The following TTLL1 variants were observed in gnomAD, a reference collection of about 807,000 sequenced individuals.
TTLL1 encodes polyglutamylase complex subunit TTLL1.
In TTLL1, 33 loss-of-function variants were observed where a neutral mutation model predicts 47.8. That is an observed-to-expected ratio of 0.69 (90% CI 0.52 to 0.92). The LOEUF (loss-of-function observed/expected upper bound fraction) is 0.92. Among genes scored for constraint, TTLL1 ranks in the 40% least tolerant of loss-of-function variants. The pLI is 0.00. For missense variants in TTLL1, 488 were observed against 547.5 expected (o/e 0.89, Z 1.08); for synonymous variants, 225 against 214.1 (o/e 1.05, Z -0.45).
chr22:43,081,541 T>A (rs751844840), intron 1 of TTLL1, among the ~76,000 whole-genome samples: 11 of 152,160 alleles, frequency 7.2e-5, no homozygotes, highest in South Asian at 2.1e-4. Flanking sequence ...CATTTTTTTT[T>A]AATGTATTTT....
intron 7 of TTLL1, among the ~76,000 whole-genome samples, chr22:43,059,990 A>G (rs1927294273): frequency 6.6e-6 from 1 of 151,826 alleles, no homozygotes; most frequent in African/African-American, 2.4e-5. Context: ...GTGCCCGGCC[A>G]CCTGGGCCTC....
chr22:43,069,500 A>G lies in TTLL1; in HGVS notation c.322+136T>C, dbSNP rs922789377. 7 of 1,466,970 alleles carry G rather than the reference A, an allele frequency of 4.8e-6. No individual in the cohort carries two copies. In the African/African-American group the frequency reaches 7.0e-5, roughly 15 times the overall value. The allele number at this position is 1,466,970 out of a possible 1,614,324, so 90.9% of individuals were successfully genotyped here. ...CTCCCTCATTCTGGAGACACCTGAA[A>G]TGAAACAGGTGCCACCACAACTCGC... is the stretch of plus-strand genomic sequence containing the variant. On this transcript the variant is annotated intron_variant, in intron 4 of 10. Coordinates refer to ENST00000266254, the MANE Select transcript of TTLL1 (RefSeq NM_012263.5).
chr22:43,076,664 T>A (rs1432971332), intron 2 of TTLL1, among the ~76,000 whole-genome samples: 1 of 150,944 alleles, frequency 6.6e-6, no homozygotes, highest in Non-Finnish European at 1.5e-5. Flanking sequence ...GGTAGGAGAA[T>A]CACTTGAACC....
At chr22:43,069,931 C>G in intron 3 of TTLL1, 87 bp from the exon 4 acceptor site, 2 of 1,527,704 alleles carry the variant, frequency 1.3e-6, no homozygotes, top group Non-Finnish European at 1.8e-6. Flanking sequence ...CACCCTGAAC[C>G]CTCAGCACCC....
At chr22:43,087,516 T>C (rs1601713017) in intron 1 of TTLL1, among the ~76,000 whole-genome samples, 1 of 124,222 alleles carries the variant, frequency 8.1e-6, no homozygotes, top group Non-Finnish European at 1.6e-5. Flanking sequence ...AGAGTGAGAC[T>C]CCATCTCAAA....
intron 9 of TTLL1, among the ~76,000 whole-genome samples, chr22:43,050,199 C>T (rs527260635): frequency 2.0e-5 from 3 of 152,042 alleles, no homozygotes; most frequent in Non-Finnish European, 4.4e-5. Context: ...GGGCAGATCA[C>T]GAGGTCAGGA....
intron 5 of TTLL1, 80 bp from the exon 6 acceptor site, chr22:43,064,404 T>C: frequency 4.7e-6 from 7 of 1,477,956 alleles, no homozygotes; most frequent in South Asian, 1.3e-5. Flanking sequence ...GAATAACTGA[T>C]AAGCCGGACT....
intron 3 of TTLL1, 124 bp from the exon 4 acceptor site, chr22:43,069,968 C>A: frequency 7.0e-7 from 1 of 1,436,828 alleles, no homozygotes; most frequent in African/African-American, 1.4e-5. Flanking sequence ...CATCCCCTGG[C>A]ACCTGAGCCA....
At chr22:43,072,021 C>T (rs906350498) in intron 3 of TTLL1, among the ~76,000 whole-genome samples, 1 of 152,114 alleles carries the variant, frequency 6.6e-6, no homozygotes, top group African/African-American at 2.4e-5. Flanking sequence ...TGGCCTGGGC[C>T]CAGGCATGTA....
intron 3 of TTLL1, 186 bp from the exon 4 acceptor site, chr22:43,070,030 G>T: frequency 1.7e-6 from 2 of 1,198,166 alleles, no homozygotes; most frequent in Non-Finnish European, 2.3e-6. Context: ...GACAGGCCGG[G>T]ACCCAAGTGG....
At chr22:43,066,324 C>T (rs1322531813) in intron 5 of TTLL1, among the ~76,000 whole-genome samples, 1 of 151,836 alleles carries the variant, frequency 6.6e-6, no homozygotes, top group Non-Finnish European at 1.5e-5. Flanking sequence ...GAGGACACAC[C>T]CCCTGCCCCA....
chr22:43,066,277 G>A (rs1294988459), intron 5 of TTLL1, among the ~76,000 whole-genome samples: 1 of 152,070 alleles, frequency 6.6e-6, no homozygotes, highest in Non-Finnish European at 1.5e-5. Flanking sequence ...GAGGGGCTGG[G>A]TCATCAGGAA....
At chr22:43,073,679 C>T (rs1300177470) in intron 3 of TTLL1, among the ~76,000 whole-genome samples, 9 of 151,902 alleles carry the variant, frequency 5.9e-5, no homozygotes, top group African/African-American at 9.7e-5. Context: ...TTAACGGCTG[C>T]ACCATAATCC....
In TTLL1 at chr22:43,084,106, C is replaced by T. The variant is rs181776621; in HGVS notation, c.-89-4120G>A. On this transcript the variant is annotated intron_variant, in intron 1 of 10. Coordinates refer to ENST00000266254, the MANE Select transcript of TTLL1 (RefSeq NM_012263.5). ...CTTATTCTCGTCAAAAGGGATGCCA[C>T]GGAAGATAGAAACAGAGTTCCTGTC... Among the ~76,000 whole-genome samples, 202 of 152,266 alleles carry T rather than the reference C, an allele frequency of 1.3e-3. 2 individuals are homozygous for T. The highest frequency in any genetic ancestry group is 4.5e-3 in the African/African-American group (188 of 41,552).
intron 8 of TTLL1, 74 bp downstream of exon 8, chr22:43,059,310 A>C: frequency 6.5e-7 from 1 of 1,537,858 alleles, no homozygotes; most frequent in Non-Finnish European, 8.7e-7. Context: ...AGGGATTTTT[A>C]ACAGAAAGAC....
chr22:43,042,035 G>A (rs771953436), intron 10 of TTLL1, among the ~76,000 whole-genome samples: 2 of 152,064 alleles, frequency 1.3e-5, no homozygotes, highest in African/African-American at 4.8e-5. Flanking sequence ...CCTCCCTGGC[G>A]CCTCTCCACA....
chr22:43,079,654 G>C (rs927956256), intron 2 of TTLL1, among the ~76,000 whole-genome samples: 2 of 152,202 alleles, frequency 1.3e-5, no homozygotes, highest in Non-Finnish European at 2.9e-5. Context: ...GGTGACAGAA[G>C]AGTAGTGACT....
At chr22:43,081,845 CCTTTTT>C (rs1287816610) in intron 1 of TTLL1, among the ~76,000 whole-genome samples, 1 of 86,046 alleles carries the variant, frequency 1.2e-5, no homozygotes, top group Non-Finnish European at 2.1e-5. Flanking sequence ...TCACACCTGG[CCTTTTT>C]TTTTTTTTTT....
intron 8 of TTLL1, among the ~76,000 whole-genome samples, chr22:43,056,870 G>T (rs1029969321): frequency 5.9e-5 from 9 of 152,144 alleles, no homozygotes; most frequent in Non-Finnish European, 1.0e-4. Context: ...GTGGCTCACT[G>T]TACCCTCAAA....
Sources: allele counts gnomAD v4.1 joint callset (sites outside exome capture counted in the v4.1 genomes callset), GRCh38; gene constraint gnomAD v4.1.1; transcripts MANE v1.5; gene names NCBI Gene and HGNC (gene_info 2026-07-23, HGNC 2026-07-21).